Variants in LARS1 observed in about 807,000 individuals in gnomAD.
The protein encoded by LARS1 is leucyl-tRNA synthetase 1.
Under a neutral mutation model 162.8 loss-of-function variants are expected in LARS1, and 100 were observed. That is an observed-to-expected ratio of 0.61 (90% CI 0.52 to 0.73). The LOEUF is 0.73. LARS1 is among the 30% of genes least tolerant of loss of function. LARS1 has a pLI of 0.00. For synonymous variants in LARS1, 457 were observed against 462.8 expected, an observed-to-expected ratio of 0.99 and a Z score of 0.16; for missense variants, 1,258 against 1,408.9, an observed-to-expected ratio of 0.89 and a Z score of 1.71.
intron 8 of LARS1, 95 bp from the exon 9 acceptor site, chr5:146,157,890 T>G (rs115990605): frequency 8.2e-7 from 1 of 1,226,460 alleles, no homozygotes. Context: ...GTCCCTAAAA[T>G]GGGTTCTTGC....
chr5:146,135,536 A>G, intron 22 of LARS1, 65 bp downstream of exon 22: 2 of 1,189,146 alleles, frequency 1.7e-6, no homozygotes, highest in Non-Finnish European at 2.4e-6. Context: ...CACCAATTTT[A>G]ACGTGTCTTC....
chr5:146,117,281 C>T (rs772997842), intron 31 of LARS1, among the ~76,000 whole-genome samples: 5 of 151,980 alleles, frequency 3.3e-5, no homozygotes, highest in Admixed American at 6.6e-5. Flanking sequence ...ATTTTCAATA[C>T]AGAAATACAT....
At chr5:146,126,667 T>C (rs1752063825) in intron 27 of LARS1, 122 bp from the exon 28 acceptor site, 1 of 629,464 alleles carries the variant, frequency 1.6e-6, no homozygotes, top group Non-Finnish European at 2.9e-6. Flanking sequence ...AGCAGAAAAG[T>C]GTCCAGCCCT....
intron 4 of LARS1, among the ~76,000 whole-genome samples, chr5:146,169,705 C>T (rs62373799): frequency 0.22 from 33,866 of 151,876 alleles, 4,832 homozygotes; most frequent in Admixed American, 0.34. Flanking sequence ...CCTGCCACCA[C>T]GCCCGGCTAA....
At chr5:146,161,504 G>A (rs915841485) in intron 6 of LARS1, among the ~76,000 whole-genome samples, 3 of 152,114 alleles carry the variant, frequency 2.0e-5, no homozygotes, top group Non-Finnish European at 2.9e-5. Flanking sequence ...CAAGGCAGGC[G>A]GATCACTTGA....
chr5:146,139,031 T>C (rs948357374), intron 21 of LARS1: 8 of 244,228 alleles, frequency 3.3e-5, no homozygotes, highest in African/African-American at 2.5e-4. Context: ...TCAATAAAAG[T>C]GGATTTGTGA....
rs773922188 is a variant in LARS1 at position 146,147,402 on chromosome 5, TA to T, written c.1503+2219del. 6.9e-3 allele frequency among the ~76,000 whole-genome samples: 958 copies of T among 139,202 alleles called. 2 individuals are homozygous for T. Among genetic ancestry groups the T allele is most frequent in the African/African-American group, 7.9e-3 (298 of 37,906 alleles). The allele number at this position is 139,202 out of a possible 152,430, so 91.3% of individuals were successfully genotyped here. A position where few individuals can be genotyped will look rare whatever the true frequency, so the allele number is the denominator to read the frequency against. ...CAATATGGCAAGACCCCTGTCTCTT[TA>T]AAAAAAAAAAAAAAATCAGTCAGAA... On this transcript the variant is annotated intron_variant, in intron 15 of 31. Coordinates refer to ENST00000394434, the MANE Select transcript of LARS1 (RefSeq NM_020117.11).
chr5:146,181,848 C>CTTTTTCTTT (rs1754864075), intron 1 of LARS1, among the ~76,000 whole-genome samples: 2 of 53,030 alleles, frequency 3.8e-5, no homozygotes, highest in African/African-American at 1.4e-4. Flanking sequence ...TCAATTTTTT[C>CTTTTTCTTT]TTTTTTTTTT....
intron 15 of LARS1, among the ~76,000 whole-genome samples, chr5:146,147,003 T>C (rs925734586): frequency 6.6e-6 from 1 of 152,184 alleles, no homozygotes; most frequent in Non-Finnish European, 1.5e-5. Context: ...TGAGCCACTG[T>C]GCCTGGCCAC....
chr5:146,135,090 G>A (rs975852648), intron 22 of LARS1, among the ~76,000 whole-genome samples: 8 of 151,804 alleles, frequency 5.3e-5, no homozygotes, highest in Admixed American at 1.3e-4. Context: ...TGCAACCTCC[G>A]CCTCCCGGGT....
At chr5:146,145,391 TTTTTATCCTTC>T (rs1250556510) in intron 15 of LARS1, among the ~76,000 whole-genome samples, 9 of 151,858 alleles carry the variant, frequency 5.9e-5, no homozygotes, top group African/African-American at 2.2e-4. Flanking sequence ...CTATGGCAGC[TTTTTATCCTTC>T]TTATAAACTA....
intron 31 of LARS1, among the ~76,000 whole-genome samples, chr5:146,115,150 C>T (rs2126339069): frequency 6.6e-6 from 1 of 151,342 alleles, no homozygotes; most frequent in East Asian, 1.9e-4. Flanking sequence ...GAGATTCTGA[C>T]ATCTCCTGGA....
intron 12 of LARS1, among the ~76,000 whole-genome samples, chr5:146,153,470 A>G (rs1255714124): frequency 6.6e-6 from 1 of 152,248 alleles, no homozygotes; most frequent in African/African-American, 2.4e-5. Flanking sequence ...GCAAAAATGT[A>G]CATAGACATA....
At chr5:146,141,722 C>T (rs554605496) in intron 20 of LARS1, among the ~76,000 whole-genome samples, 5 of 152,110 alleles carry the variant, frequency 3.3e-5, no homozygotes, top group African/African-American at 7.2e-5. Flanking sequence ...CGTGAGTCTG[C>T]GAAGTTGAGA....
intron 31 of LARS1, among the ~76,000 whole-genome samples, chr5:146,117,823 A>G (rs1214006985): frequency 1.3e-5 from 2 of 152,248 alleles, no homozygotes; most frequent in African/African-American, 4.8e-5. Context: ...TAAGCTAGAC[A>G]CAAAAGGAAA....
chr5:146,146,814 A>T (rs757112759), intron 15 of LARS1, among the ~76,000 whole-genome samples: 2 of 151,610 alleles, frequency 1.3e-5, no homozygotes, highest in African/African-American at 4.9e-5. Flanking sequence ...CCCAGGTTCA[A>T]GCGATTCTCA....
chr5:146,147,638 A>G (rs1186316381), intron 15 of LARS1, among the ~76,000 whole-genome samples: 1 of 152,194 alleles, frequency 6.6e-6, no homozygotes, highest in African/African-American at 2.4e-5. Flanking sequence ...TCAGGAAGAA[A>G]ATGATGAGGG....
At position 146,120,424 on chromosome 5, in the gene LARS1, T is replaced by C. The variant is rs970107322; in HGVS notation, c.3272A>G (p.Asp1091Gly). ...FSTKIEIRQG[D>G]NCDSIIRRLM... ...ACGCCTGATTATGGAATCACAGTTA[T>C]CTCCTTGCCTGATTTCAATTTTGGT... Residue 1091 changes from aspartate to glycine, a missense_variant, in exon 31 of 32, where the codon GAT becomes GGT. Asp to Gly is a moderately conservative substitution (Grantham distance 94). Coordinates refer to ENST00000394434, the MANE Select transcript of LARS1 (RefSeq NM_020117.11). 19 of 1,613,362 alleles carry C rather than the reference T, an allele frequency of 1.2e-5. No individual in the cohort carries two copies. Among genetic ancestry groups the C allele is most frequent in the Admixed American group, 5.0e-5 (3 of 59,950 alleles).
At chr5:146,128,212 C>G (rs1460228910) in intron 27 of LARS1, among the ~76,000 whole-genome samples, 2 of 151,990 alleles carry the variant, frequency 1.3e-5, no homozygotes, top group Non-Finnish European at 2.9e-5. Context: ...AATTATCAAA[C>G]CAAACAACAT....
Sources: gnomAD v4.1 joint callset for allele counts (sites outside exome capture counted in the v4.1 genomes callset) on GRCh38, gnomAD v4.1.1 for gene constraint, MANE v1.5 for transcripts, NCBI Gene and HGNC (gene_info 2026-07-23, HGNC 2026-07-21) for gene names.